The following ZNF114 variants were observed in gnomAD, a reference collection of about 807,000 sequenced individuals.
ZNF114 encodes the protein zinc finger protein 114 (Y18).
A neutral mutation model predicts 6.8 loss-of-function variants in ZNF114; 8 were observed. The ratio of observed to expected loss-of-function variants is 1.18; its 90% CI spans 0.69 to 2.13. The LOEUF (loss-of-function observed/expected upper bound fraction) is 2.13, where lower values mean the gene tolerates loss of function less well. Among genes scored for constraint, ZNF114 ranks in the 30% most tolerant of loss-of-function variants. The probability of loss-of-function intolerance (pLI) is 0.00; values close to 1 mark genes in which losing one functional copy is unlikely to be tolerated. For synonymous variants in ZNF114, 169 were observed against 185.5 expected (o/e 0.91, Z 0.72); for missense variants, 472 against 519.5 (o/e 0.91, Z 0.89).
intron 3 of ZNF114, among the ~76,000 whole-genome samples, chr19:48,272,623 G>GCTCTGTCCCCC (rs1182491756): frequency 8.5e-6 from 1 of 117,040 alleles, no homozygotes; most frequent in African/African-American, 3.8e-5. Context: ...GCAGTGAGCC[G>GCTCTGTCCCCC]AGATCGTGCC....
At chr19:48,277,794 G>GGGGGTGTGTGTGTGTGTGTGT in intron 3 of ZNF114, among the ~76,000 whole-genome samples, 1 of 119,410 alleles carries the variant, frequency 8.4e-6, no homozygotes, top group African/African-American at 3.3e-5. Context: ...GGAGGCATTG[G>GGGGGTGTGTGTGTGTGTGTGT]GTGTGTGTGT....
Position 48,283,826 on chromosome 19 carries a change from C to T in ZNF114, c.136+1329C>T, listed in dbSNP as rs190715737. On this transcript the variant is annotated intron_variant, in intron 5 of 5. Transcript: ENST00000595607. ...TCGGCTCACTGCAACCTCCACCTCC[C>T]GGGTTCAAGCAATTCTTCTGCCTCA... 1.4e-4 allele frequency among the ~76,000 whole-genome samples: 21 copies of T among 152,072 alleles called. No individual in the cohort carries two copies. In the South Asian group the frequency reaches 1.5e-3, roughly 11 times the overall value.
chr19:48,279,915 GC>G, intron 4 of ZNF114, 107 bp downstream of exon 4: 3 of 1,546,462 alleles, frequency 1.9e-6, no homozygotes, highest in South Asian at 1.1e-5. Context: ...GCCAGGCAGG[GC>G]CCCCCGCCAG....
intron 1 of ZNF114, 42 bp downstream of exon 1, chr19:48,270,261 C>T (rs1171719262): frequency 6.6e-6 from 1 of 151,414 alleles, no homozygotes; most frequent in Non-Finnish European, 1.5e-5. Context: ...TAAAATTAGC[C>T]AGGCATGCCT....
At chr19:48,280,639 G>T (rs190692823) in intron 4 of ZNF114, among the ~76,000 whole-genome samples, 1 of 145,824 alleles carries the variant, frequency 6.9e-6, no homozygotes, top group Non-Finnish European at 1.5e-5. Context: ...TGCAACCTCC[G>T]CCTTCCAGGT....
At chr19:48,284,023 T>G (rs549038457) in intron 5 of ZNF114, among the ~76,000 whole-genome samples, 28 of 151,496 alleles carry the variant, frequency 1.8e-4, no homozygotes, top group Non-Finnish European at 3.4e-4. Context: ...CATGAGCCAC[T>G]GCTCTCATTT....
chr19:48,274,615 T>C (rs1967777501), intron 3 of ZNF114, among the ~76,000 whole-genome samples: 1 of 151,724 alleles, frequency 6.6e-6, no homozygotes, highest in Non-Finnish European at 1.5e-5. Context: ...CAAGTAATTC[T>C]CCTGCCTCAA....
At chr19:48,280,202 G>C (rs1967953232) in intron 4 of ZNF114, among the ~76,000 whole-genome samples, 1 of 152,110 alleles carries the variant, frequency 6.6e-6, no homozygotes, top group East Asian at 1.9e-4. Flanking sequence ...GGGCAATGTA[G>C]CAAGACCACC....
At chr19:48,284,017 A>G (rs1341747807) in intron 5 of ZNF114, among the ~76,000 whole-genome samples, 1 of 152,142 alleles carries the variant, frequency 6.6e-6, no homozygotes, top group Non-Finnish European at 1.5e-5. Context: ...TACAGGCATG[A>G]GCCACTGCTC....
At chr19:48,282,341 C>T (rs1161072540) in intron 4 of ZNF114, 30 bp from the exon 5 acceptor site, 1 of 1,610,714 alleles carries the variant, frequency 6.2e-7, no homozygotes, top group Non-Finnish European at 8.5e-7. Flanking sequence ...CAGGACACCC[C>T]TCCGAGCCAA....
intron 3 of ZNF114, among the ~76,000 whole-genome samples, chr19:48,277,291 T>A (rs576492329): frequency 2.9e-4 from 44 of 150,806 alleles, no homozygotes; most frequent in African/African-American, 9.1e-4. Context: ...GAGGCTGCTG[T>A]GAGCCGAGAT....
intron 4 of ZNF114, among the ~76,000 whole-genome samples, chr19:48,281,274 A>AT (rs1354111275): frequency 6.6e-6 from 1 of 152,052 alleles, no homozygotes; most frequent in Non-Finnish European, 1.5e-5. Context: ...ACAGACATTG[A>AT]TTTTCTCACA....
chr19:48,274,864 C>T (rs1449046001), intron 3 of ZNF114, among the ~76,000 whole-genome samples: 1 of 152,102 alleles, frequency 6.6e-6, no homozygotes, highest in Non-Finnish European at 1.5e-5. Context: ...TCTTCCAGGG[C>T]TCACACCCTC....
At position 48,285,689 on chromosome 19, in the gene ZNF114, T is replaced by C. The variant is rs965840757; in HGVS notation, c.137-72T>C. The C allele has an allele frequency of 1.5e-5, 22 of 1,475,062 alleles. No homozygotes were observed. In the Middle Eastern group the frequency reaches 7.2e-4, roughly 49 times the overall value. 91.4% of individuals were successfully genotyped at this position (1,475,062 alleles called of 1,614,324 possible). ...GAAAGAGAGAAATCCACACGGAGAT[T>C]GCCTATGTCATCATCTCTAACCCAC... On this transcript the variant is annotated intron_variant, in intron 5 of 5. Transcript: ENST00000595607.
At chr19:48,277,794 G>GGGGTGTGTGTGTGTGT (rs1330052475) in intron 3 of ZNF114, among the ~76,000 whole-genome samples, 2,021 of 119,384 alleles carry the variant, frequency 0.017, 41 homozygotes, top group South Asian at 0.021. Flanking sequence ...GGAGGCATTG[G>GGGGTGTGTGTGTGTGT]GTGTGTGTGT....
chr19:48,284,367 C>G (rs1158326128), intron 5 of ZNF114, among the ~76,000 whole-genome samples: 1 of 151,972 alleles, frequency 6.6e-6, no homozygotes, highest in Non-Finnish European at 1.5e-5. Context: ...GAAGTCGAGA[C>G]CAGCCCAGCC....
At chr19:48,279,212 T>C (rs1173933193) in intron 3 of ZNF114, among the ~76,000 whole-genome samples, 2 of 150,166 alleles carry the variant, frequency 1.3e-5, no homozygotes, top group Non-Finnish European at 3.0e-5. Context: ...CTAGGCAACA[T>C]AGTGAGACCC....
Position 48,286,098 on chromosome 19 carries a change from C to G in ZNF114, c.474C>G (p.Phe158Leu), listed in dbSNP as rs768265909. The change falls in exon 6 of 6, where the codon TTC becomes TTG. Residue 158 changes from phenylalanine to leucine, a missense_variant. By Grantham distance (22) the Phe-to-Leu change is conservative. Coordinates refer to ENST00000595607, the MANE Select transcript of ZNF114 (RefSeq NM_153608.4). The stretch of plus-strand genomic sequence containing the variant: ...TCCTAACACGTGACTCAAGTATTTT[C>G]AAGTATAATCCTGTCTTAAACGATA... ...QCILTRDSSI[F>L]KYNPVLNDSQ... 3.1e-6 allele frequency: 5 copies of G among 1,614,126 alleles called. No homozygotes were observed. The South Asian group carries it at 3.3e-5, about 11-fold the overall frequency.
At chr19:48,281,050 G>A (rs750846097) in intron 4 of ZNF114, among the ~76,000 whole-genome samples, 9 of 152,072 alleles carry the variant, frequency 5.9e-5, no homozygotes, top group Non-Finnish European at 1.3e-4. Flanking sequence ...GGCTGAGGTG[G>A]GAGGATCGCT....
Sources: allele counts gnomAD v4.1 joint callset (sites outside exome capture counted in the v4.1 genomes callset), GRCh38; gene constraint gnomAD v4.1.1; transcripts MANE v1.5; gene names NCBI Gene and HGNC (gene_info 2026-07-23, HGNC 2026-07-21).